Variants in ZNF43 observed in about 807,000 individuals in gnomAD.
ZNF43 encodes zinc finger protein 43, also known as zinc finger protein 39-like 1 (KOX 27).
ZNF43 carries 44 observed loss-of-function variants against 68.4 expected under a neutral mutation model. The ratio of observed to expected loss-of-function variants is 0.64; its 90% CI spans 0.51 to 0.83. ZNF43 has a LOEUF of 0.83. Ranked by LOEUF, ZNF43 falls within the 40% of genes least tolerant of loss-of-function variation. The pLI is 0.00. For missense variants in ZNF43, 896 were observed against 933.2 expected (o/e 0.96, Z 0.52); for synonymous variants, 308 against 307.8 (o/e 1.00, Z -0.01).
In ZNF43 at chr19:21,806,097, A is replaced by C. The variant is rs996093704; in HGVS notation, c.*1510T>G. ...TAATGCAGAAGAATATTACTCTGAAAACCTATCTCCTGCATCACTCCTTTA... is the reference window on the plus strand; with the variant it reads ...TAATGCAGAAGAATATTACTCTGAACACCTATCTCCTGCATCACTCCTTTA... On this transcript the variant is annotated 3_prime_UTR_variant, in exon 4 of 4. Transcript: ENST00000354959. The C allele has an allele frequency of 2.6e-5, 4 of 152,160 alleles. No individual in the cohort carries two copies. The highest frequency in any genetic ancestry group is 9.7e-5 in the African/African-American group (4 of 41,438). The allele number at this position is 152,160 out of a possible 1,614,324, so 9.4% of individuals were successfully genotyped here.
At chr19:21,835,241 G>C (rs1341537498) in intron 1 of ZNF43, among the ~76,000 whole-genome samples, 41 of 83,464 alleles carry the variant, frequency 4.9e-4, no homozygotes, top group African/African-American at 2.3e-3. Context: ...AAAAGCGAAA[G>C]TCCATCTCAA....
intron 1 of ZNF43, 123 bp downstream of exon 1, chr19:21,835,913 A>AG (rs1407147425): frequency 2.0e-6 from 3 of 1,525,506 alleles, no homozygotes; most frequent in Non-Finnish European, 2.7e-6. Context: ...TTATGGCTGA[A>AG]GGGGATTGAG....
intron 1 of ZNF43, among the ~76,000 whole-genome samples, chr19:21,830,481 C>T (rs1476562108): frequency 2.7e-5 from 4 of 149,962 alleles, no homozygotes; most frequent in Non-Finnish European, 5.9e-5. Flanking sequence ...AAGTCTGTAA[C>T]GAACACCTCT....
rs755444569 is a variant in ZNF43, at chr19:21,808,725, G to T, written c.1312C>A (p.Pro438Thr). ...CEECGKAFNWPSTLTKHNRIH... is the reference protein window; with the variant it reads ...CEECGKAFNWTSTLTKHNRIH... ...CTGTTATGTTTAGTAAGGGTTGAGG[G>T]CCAGTTAAAGGCTTTGCCACATTCT... Residue 438 changes from proline (P) to threonine (T), a missense_variant, in exon 4 of 4, where the codon CCC becomes ACC. Physicochemically the swap from Pro to Thr is conservative, Grantham distance 38 (BLOSUM62 -1). Coordinates refer to ENST00000354959, the MANE Select transcript of ZNF43 (RefSeq NM_003423.4). 6.3e-7 allele frequency: 1 copy of T among 1,598,334 alleles called. No homozygotes were observed. The highest frequency in any genetic ancestry group is 8.5e-7 in the Non-Finnish European group (1 of 1,174,922).
At chr19:21,823,571 CTTTTTTTTT>C (rs10605024) in intron 1 of ZNF43, among the ~76,000 whole-genome samples, 2 of 83,498 alleles carry the variant, frequency 2.4e-5, no homozygotes, top group African/African-American at 1.2e-4. Flanking sequence ...AGAATCAGGC[CTTTTTTTTT>C]TTTTTTTTTT....
intron 3 of ZNF43, among the ~76,000 whole-genome samples, chr19:21,817,461 C>A (rs2037585872): frequency 6.6e-6 from 1 of 152,060 alleles, no homozygotes; most frequent in African/African-American, 2.4e-5. Context: ...ATGAACTGTG[C>A]AGAAAATATA....
In ZNF43 at chr19:21,809,739, T is replaced by A; in HGVS notation, c.298A>T (p.Thr100Ser). The change falls in exon 4 of 4, where the codon ACA becomes TCA. Residue 100 changes from threonine (T) to serine (S), a missense_variant. Physicochemically the swap from Thr to Ser is moderately conservative, Grantham distance 58. Transcript: ENST00000354959. ...QHIKDPFQKA[T>S]LRRYKNCEHK... Reference sequence around the variant, plus strand: ...TCACAGTTTTTATATCTTCTCAGTGTCGCTTTTTGGAAAGGATCTTTTATA... The same window carrying A: ...TCACAGTTTTTATATCTTCTCAGTGACGCTTTTTGGAAAGGATCTTTTATA... The A allele has an allele frequency of 6.2e-7, 1 of 1,606,658 alleles. No homozygotes were observed. Among genetic ancestry groups the A allele is most frequent in the South Asian group, 1.1e-5 (1 of 90,558 alleles).
At position 21,808,952 on chromosome 19, in the gene ZNF43, CTCTTA is replaced by C. The variant is rs764090492; in HGVS notation, c.1080_1084del (p.His360GlnfsTer10). 1.9e-6 allele frequency: 3 copies of C among 1,613,054 alleles called. No homozygotes were observed. On this transcript the variant is annotated frameshift_variant, in exon 4 of 4. Coordinates refer to ENST00000354959, the MANE Select transcript of ZNF43 (RefSeq NM_003423.4). LOFTEE classifies it high-confidence loss of function. ...ATAGAATTTCTCTGCAGTATGGATT[CTCTTA>C]TGTGTAGTAAGGTTTGAGAACTGGT...
chr19:21,808,440 T>C lies in ZNF43; in HGVS notation c.1597A>G (p.Thr533Ala), dbSNP rs756019136. Residue 533 changes from threonine (T) to alanine (A), a missense_variant, in exon 4 of 4, where the codon ACT (threonine) becomes GCT (alanine). Physicochemically the swap from Thr to Ala is moderately conservative, Grantham distance 58. Coordinates refer to ENST00000354959, the MANE Select transcript of ZNF43 (RefSeq NM_003423.4). ...SKLTEHKITHTGEKPYKCEEC... is the reference protein window; with the variant it reads ...SKLTEHKITHAGEKPYKCEEC... ...TCACATTTGTAGGGTTTCTCTCCAG[T>C]ATGAGTTATCTTATGTTCAGTAAGC... is the stretch of plus-strand genomic sequence containing the variant. 6.2e-7 allele frequency: 1 copy of C among 1,613,258 alleles called. No individual in the cohort carries two copies. The highest frequency in any genetic ancestry group is 8.5e-7 in the Non-Finnish European group (1 of 1,179,894).
intron 1 of ZNF43, among the ~76,000 whole-genome samples, chr19:21,828,006 T>TA (rs2038220119): frequency 6.6e-6 from 1 of 152,154 alleles, no homozygotes; most frequent in African/African-American, 2.4e-5. Flanking sequence ...GACCTGTTTT[T>TA]ATCTGTCCTG....
intron 1 of ZNF43, among the ~76,000 whole-genome samples, chr19:21,842,616 A>G (rs762661167): frequency 2.0e-5 from 3 of 151,996 alleles, no homozygotes; most frequent in African/African-American, 4.8e-5. Context: ...TAAGGCTCAT[A>G]AAGAAGAGTC....
intron 1 of ZNF43, among the ~76,000 whole-genome samples, chr19:21,835,501 G>A (rs915858024): frequency 4.0e-5 from 6 of 150,934 alleles, no homozygotes; most frequent in Admixed American, 6.6e-5. Flanking sequence ...GCGATTACAG[G>A]CGCGCGCCAC....
intron 1 of ZNF43, among the ~76,000 whole-genome samples, chr19:21,829,230 A>T (rs967637806): frequency 1.1e-4 from 17 of 151,670 alleles, no homozygotes; most frequent in Admixed American, 2.0e-4. Context: ...TCACAAAGGA[A>T]AAAAAAACAA....
chr19:21,823,039 A>G (rs539895052), intron 1 of ZNF43, among the ~76,000 whole-genome samples: 1 of 152,352 alleles, frequency 6.6e-6, no homozygotes, highest in East Asian at 1.9e-4. Flanking sequence ...TTAGCAAGGT[A>G]AGATGAATAG....
intron 1 of ZNF43, among the ~76,000 whole-genome samples, chr19:21,824,258 G>GT (rs1279465277): frequency 1.3e-5 from 2 of 151,996 alleles, no homozygotes; most frequent in East Asian, 1.9e-4. Flanking sequence ...TAGCTCTTAG[G>GT]TAAGAAAAAA....
chr19:21,846,867 A>T (rs1967989377), intron 1 of ZNF43, among the ~76,000 whole-genome samples: 1 of 152,192 alleles, frequency 6.6e-6, no homozygotes, highest in Non-Finnish European at 1.5e-5. Flanking sequence ...TGGACCCAGC[A>T]ATATGTCACA....
Position 21,809,656 on chromosome 19 carries a change from G to A in ZNF43, c.381C>T (p.His127=). ...GGTTAAATCCATTATAACCTCCTCTGTGCACCTTACACTCATCCACACTTT... is the reference window on the plus strand; with the variant it reads ...GGTTAAATCCATTATAACCTCCTCTATGCACCTTACACTCATCCACACTTT... ...DHKSVDECKV[H]RGGYNGFNQC... is the part of the protein sequence containing the mutation. Residue 127 remains histidine, a synonymous_variant, in exon 4 of 4, where the codon CAC becomes CAT. Transcript: ENST00000354959. 6.2e-7 allele frequency: 1 copy of A among 1,613,314 alleles called. No homozygotes were observed.
intron 3 of ZNF43, among the ~76,000 whole-genome samples, chr19:21,815,494 T>C (rs933252071): frequency 1.3e-5 from 2 of 149,612 alleles, no homozygotes; most frequent in South Asian, 2.1e-4. Context: ...TACATATATA[T>C]ATATATATAT....
At chr19:21,818,142 A>G (rs564128585) in intron 2 of ZNF43, among the ~76,000 whole-genome samples, 156 bp from the exon 3 acceptor site, 70 of 151,816 alleles carry the variant, frequency 4.6e-4, no homozygotes, top group African/African-American at 1.6e-3. Flanking sequence ...TCAATCTGTC[A>G]CCAAGGCTGG....
Sources: allele counts gnomAD v4.1 joint callset (sites outside exome capture counted in the v4.1 genomes callset), GRCh38; gene constraint gnomAD v4.1.1; transcripts MANE v1.5; gene names NCBI Gene and HGNC (gene_info 2026-07-23, HGNC 2026-07-21).